ZEB1: variants seen among roughly 807,000 people sequenced by gnomAD.
ZEB1 encodes the protein zinc finger E-box-binding homeobox 1.
Under a neutral mutation model 84.9 loss-of-function variants are expected in ZEB1, and 21 were observed. The ratio of observed to expected loss-of-function variants is 0.25; its 90% CI spans 0.18 to 0.36. The LOEUF is 0.36. Ranked by LOEUF, ZEB1 falls within the 10% of genes least tolerant of loss-of-function variation. The pLI is 1.00. For missense variants in ZEB1, 1,104 were observed against 1,330.2 expected (o/e 0.83, Z 2.65); for synonymous variants, 420 against 471.1 (o/e 0.89, Z 1.41).
At chr10:31,343,074 G>A (rs2039686069) in intron 1 of ZEB1, among the ~76,000 whole-genome samples, 1 of 152,030 alleles carries the variant, frequency 6.6e-6, no homozygotes, top group African/African-American at 2.4e-5. Flanking sequence ...TTAGCCACTG[G>A]CTAGTGGATT....
intron 3 of ZEB1, among the ~76,000 whole-genome samples, chr10:31,501,883 C>T (rs1368445342): frequency 6.6e-6 from 1 of 152,126 alleles, no homozygotes; most frequent in African/African-American, 2.4e-5. Context: ...TTTCATATTG[C>T]AGTTGACCAC....
At chr10:31,451,012 A>T (rs2060500801) in intron 1 of ZEB1, among the ~76,000 whole-genome samples, 1 of 152,132 alleles carries the variant, frequency 6.6e-6, no homozygotes, top group Non-Finnish European at 1.5e-5. Context: ...TCTCTTTAAA[A>T]AGTTACAAAA....
chr10:31,527,408 A>G lies in ZEB1; in HGVS notation c.*144A>G. ...AGTAAAAACTAAAAAAATACAAAATACAAAACACACACACACACACACACA... is the reference window on the plus strand; with the variant it reads ...AGTAAAAACTAAAAAAATACAAAATGCAAAACACACACACACACACACACA... On this transcript the variant is annotated 3_prime_UTR_variant, in exon 9 of 9. Coordinates refer to ENST00000424869, the MANE Select transcript of ZEB1 (RefSeq NM_001174096.2). 1.2e-6 allele frequency: 1 copy of G among 813,182 alleles called. No individual in the cohort carries two copies. The highest frequency in any genetic ancestry group is 1.9e-6 in the Non-Finnish European group (1 of 534,042). The allele number at this position is 813,182 out of a possible 1,614,324, so 50.4% of individuals were successfully genotyped here.
chr10:31,479,584 T>G (rs1230119116), intron 2 of ZEB1, among the ~76,000 whole-genome samples: 2 of 151,906 alleles, frequency 1.3e-5, no homozygotes, highest in African/African-American at 4.8e-5. Context: ...GATGCAAGAA[T>G]GGTTTAACCT....
intron 1 of ZEB1, among the ~76,000 whole-genome samples, chr10:31,416,841 T>A (rs2055301619): frequency 6.6e-6 from 1 of 152,082 alleles, no homozygotes; most frequent in African/African-American, 2.4e-5. Context: ...CCCCAAAGTT[T>A]TTATTGGTAG....
chr10:31,516,407 G>T (rs2139668157), intron 6 of ZEB1, among the ~76,000 whole-genome samples: 1 of 151,806 alleles, frequency 6.6e-6, no homozygotes, highest in South Asian at 2.1e-4. Context: ...ACACTAACAT[G>T]GAGTAAATTG....
chr10:31,401,837 A>G (rs757401816), intron 1 of ZEB1, among the ~76,000 whole-genome samples: 1 of 152,196 alleles, frequency 6.6e-6, no homozygotes, highest in Non-Finnish European at 1.5e-5. Flanking sequence ...TCTTACAGAT[A>G]TAACTCCAAC....
intron 1 of ZEB1, among the ~76,000 whole-genome samples, chr10:31,379,408 T>A (rs1301555495): frequency 1.3e-5 from 2 of 151,608 alleles, no homozygotes; most frequent in African/African-American, 4.9e-5. Context: ...CCAATTCTCC[T>A]CTTTTTCTGT....
intron 1 of ZEB1, among the ~76,000 whole-genome samples, chr10:31,369,006 G>A (rs2045152951): frequency 6.6e-6 from 1 of 152,122 alleles, no homozygotes; most frequent in African/African-American, 2.4e-5. Context: ...TTGAGTTAGT[G>A]GAGGACATAT....
intron 2 of ZEB1, among the ~76,000 whole-genome samples, chr10:31,495,124 C>T (rs1027809941): frequency 3.9e-5 from 6 of 151,970 alleles, no homozygotes; most frequent in African/African-American, 1.4e-4. Context: ...ATTTATATTT[C>T]ATTTCTACCA....
At chr10:31,368,596 A>G (rs1378731299) in intron 1 of ZEB1, among the ~76,000 whole-genome samples, 1 of 151,658 alleles carries the variant, frequency 6.6e-6, no homozygotes, top group African/African-American at 2.4e-5. Flanking sequence ...TTTTTCCTGA[A>G]TATTATGTGT....
At position 31,336,964 on chromosome 10, in the gene ZEB1, A is replaced by G. The variant is rs553110705; in HGVS notation, c.58+17672A>G. 1.7e-3 allele frequency among the ~76,000 whole-genome samples: 262 copies of G among 152,304 alleles called. 3 individuals carry two copies. Among genetic ancestry groups the G allele is most frequent in the Middle Eastern group, 0.014 (4 of 294 alleles). ...CATAACACTATGACCCAGTATTCCTATGTCTTAGAGAAATCTCTATACAGA... is the reference window on the plus strand; with the variant it reads ...CATAACACTATGACCCAGTATTCCTGTGTCTTAGAGAAATCTCTATACAGA... On this transcript the variant is annotated intron_variant, in intron 1 of 8. Coordinates refer to ENST00000424869, the MANE Select transcript of ZEB1 (RefSeq NM_001174096.2).
At chr10:31,452,880 G>C (rs1360725258) in intron 1 of ZEB1, among the ~76,000 whole-genome samples, 2 of 151,972 alleles carry the variant, frequency 1.3e-5, no homozygotes, top group East Asian at 3.9e-4. Context: ...TAAATTTGTG[G>C]TGTTCTCAGA....
At chr10:31,393,521 T>C (rs1163989713) in intron 1 of ZEB1, among the ~76,000 whole-genome samples, 1 of 149,250 alleles carries the variant, frequency 6.7e-6, no homozygotes, top group Non-Finnish European at 1.5e-5. Context: ...AATAGTTTTT[T>C]TCAAAAAAGT....
intron 1 of ZEB1, among the ~76,000 whole-genome samples, chr10:31,360,274 CATG>C (rs947174924): frequency 2.0e-5 from 3 of 152,158 alleles, no homozygotes; most frequent in African/African-American, 7.2e-5. Context: ...GCTAGACAAA[CATG>C]ATGGGAATTA....
chr10:31,319,485 T>G (rs1281928407), intron 1 of ZEB1, 193 bp downstream of exon 1: 1 of 613,504 alleles, frequency 1.6e-6, no homozygotes, highest in Non-Finnish European at 2.9e-6. Flanking sequence ...CCGCGGCCGC[T>G]CGCTCTCCCT....
At chr10:31,504,614 T>G (rs1287081387) in intron 4 of ZEB1, among the ~76,000 whole-genome samples, 1 of 152,116 alleles carries the variant, frequency 6.6e-6, no homozygotes, top group Non-Finnish European at 1.5e-5. Flanking sequence ...TTTACTTGTG[T>G]CTTCTTCAAT....
chr10:31,318,571 C>G, upstream of ZEB1: 1 of 153,002 alleles, frequency 6.5e-6, no homozygotes, highest in Non-Finnish European at 1.5e-5. Context: ...GTCCGGGCTG[C>G]GCGGGTCAGG....
rs909925586 is a variant in ZEB1 at position 31,528,432 on chromosome 10, T to A, written c.*1168T>A. 2 of 152,222 alleles carry A rather than the reference T, an allele frequency of 1.3e-5. No individual in the cohort carries two copies. The highest frequency in any genetic ancestry group is 4.8e-5 in the African/African-American group (2 of 41,450). The allele number at this position is 152,222 out of a possible 1,614,324, so 9.4% of individuals were successfully genotyped here. A position where few individuals can be genotyped will look rare whatever the true frequency, so the allele number is the denominator to read the frequency against. On this transcript the variant is annotated 3_prime_UTR_variant, in exon 9 of 9. Transcript: ENST00000424869. ...TCAGACATGGACATGCTATTGTTATTTGGCTCATAACTGTTTCCAAATGTT... is the reference window on the plus strand; with the variant it reads ...TCAGACATGGACATGCTATTGTTATATGGCTCATAACTGTTTCCAAATGTT...
Sources: gnomAD v4.1 joint callset for allele counts (sites outside exome capture counted in the v4.1 genomes callset) on GRCh38, gnomAD v4.1.1 for gene constraint, MANE v1.5 for transcripts, NCBI Gene and HGNC (gene_info 2026-07-23, HGNC 2026-07-21) for gene names.